KDM2B: variants seen among roughly 807,000 people sequenced by gnomAD.
KDM2B encodes the protein lysine demethylase 2B, also known as lysine-specific demethylase 2B.
Under a neutral mutation model 150.0 loss-of-function variants are expected in KDM2B, and 26 were observed. The observed-to-expected ratio is 0.17, with a 90% confidence interval of 0.13 to 0.24. The LOEUF is 0.24. Among genes scored for constraint, KDM2B ranks in the 10% least tolerant of loss-of-function variants. The pLI is 1.00. For synonymous variants in KDM2B, 734 were observed against 729.5 expected, an observed-to-expected ratio of 1.01 and a Z score of -0.10; for missense variants, 1,265 against 1,816.9, an observed-to-expected ratio of 0.70 and a Z score of 5.52.
intron 14 of KDM2B, 109 bp downstream of exon 14, chr12:121,445,166 T>A (rs1555289864): frequency 3.0e-6 from 4 of 1,312,702 alleles, no homozygotes; most frequent in Admixed American, 3.9e-5. Flanking sequence ...GACTCAGGGG[T>A]CCTCCAGGAA....
the KDM2B span, chr12:121,416,120 C>T: frequency 2.6e-6 from 4 of 1,556,138 alleles, no homozygotes; most frequent in Non-Finnish European, 3.5e-6. Flanking sequence ...GCCCAGATTC[C>T]ACTTAGCTTT....
the KDM2B span, among the ~76,000 whole-genome samples, chr12:121,414,381 C>CCAA: frequency 6.6e-6 from 1 of 152,198 alleles, no homozygotes; most frequent in Non-Finnish European, 1.5e-5. Flanking sequence ...TTGGCCCTCG[C>CCAA]TGAAAATTTA....
intron 13 of KDM2B, among the ~76,000 whole-genome samples, chr12:121,450,116 C>A (rs1366235750): frequency 6.6e-6 from 1 of 152,028 alleles, no homozygotes; most frequent in African/African-American, 2.4e-5. Context: ...GGGTTTGAGA[C>A]CAGCCTAGAC....
At chr12:121,479,323 C>T (rs1486189324) in intron 12 of KDM2B, among the ~76,000 whole-genome samples, 2 of 151,476 alleles carry the variant, frequency 1.3e-5, no homozygotes, top group Non-Finnish European at 2.9e-5. Flanking sequence ...AAAAATTAGC[C>T]AGGCATGGTG....
At chr12:121,509,083 G>A (rs532026474) in intron 11 of KDM2B, among the ~76,000 whole-genome samples, 1 of 152,190 alleles carries the variant, frequency 6.6e-6, no homozygotes, top group East Asian at 1.9e-4. Flanking sequence ...TTTTGAGACA[G>A]AGTCTTGCTC....
Position 121,513,143 on chromosome 12 carries a change from T to C in KDM2B, c.1174+133A>G, listed in dbSNP as rs1306385082. On this transcript the variant is annotated intron_variant, in intron 10 of 22. Coordinates refer to ENST00000377071, the MANE Select transcript of KDM2B (RefSeq NM_032590.5). The surrounding 1 kb of genome is among the most constrained non-coding windows in gnomAD (Gnocchi z 5.0). ...GGCAAGAATGGCTTCCCCTGAGGGG[T>C]TCCTAGGATTCTGCCCAATACACTG... The C allele has an allele frequency of 3.0e-6, 3 of 985,082 alleles. No homozygotes were observed. The Admixed American group carries it at 7.5e-5, about 25-fold the overall frequency. The allele number at this position is 985,082 out of a possible 1,614,324, so 61.0% of individuals were successfully genotyped here.
intron 12 of KDM2B, among the ~76,000 whole-genome samples, chr12:121,464,545 G>A (rs1879584236): frequency 6.6e-6 from 1 of 152,242 alleles, no homozygotes; most frequent in South Asian, 2.1e-4. Context: ...CAGGTCTCAG[G>A]TGGGGATGAG....
intron 9 of KDM2B, chr12:121,516,408 A>T (rs1439593846): frequency 1.1e-5 from 11 of 1,009,298 alleles, no homozygotes; most frequent in Admixed American, 2.7e-5. Flanking sequence ...TTATTTATTT[A>T]TTTATTTTTT....
At chr12:121,440,774 G>A (rs781831501) in intron 21 of KDM2B, 42 bp downstream of exon 21, 30 of 1,557,402 alleles carry the variant, frequency 1.9e-5, no homozygotes, top group African/African-American at 8.2e-5. Flanking sequence ...AGTCTAGCTC[G>A]CTCACCCCAC....
chr12:121,494,964 G>A (rs1424526403), intron 11 of KDM2B, among the ~76,000 whole-genome samples: 1 of 151,160 alleles, frequency 6.6e-6, no homozygotes, highest in African/African-American at 2.4e-5. Context: ...TCTAGCACTT[G>A]TCCAGAGCGT....
At chr12:121,414,698 A>T in the KDM2B span, among the ~76,000 whole-genome samples, 10 of 151,854 alleles carry the variant, frequency 6.6e-5, no homozygotes, top group Non-Finnish European at 1.2e-4. Flanking sequence ...TTCGAGATGG[A>T]CTCTCGCTCT....
At chr12:121,482,607 T>C (rs1215437368) in intron 12 of KDM2B, among the ~76,000 whole-genome samples, 1 of 152,154 alleles carries the variant, frequency 6.6e-6, no homozygotes, top group Non-Finnish European at 1.5e-5. Context: ...GCCTTCTTAG[T>C]ACTCTTCTAA....
intron 12 of KDM2B, among the ~76,000 whole-genome samples, chr12:121,483,343 A>G (rs1882369675): frequency 6.6e-6 from 1 of 151,936 alleles, no homozygotes; most frequent in African/African-American, 2.4e-5. Flanking sequence ...CTCCGTTCAC[A>G]TATGTCCAGT....
rs782093340 is a variant in KDM2B at position 121,533,004 on chromosome 12, C to T, written c.778-45G>A. 1.9e-6 allele frequency: 3 copies of T among 1,609,486 alleles called. No homozygotes were observed. The highest frequency in any genetic ancestry group is 1.1e-5 in the South Asian group (1 of 90,718). On this transcript the variant is annotated intron_variant, in intron 7 of 22. Coordinates refer to ENST00000377071, the MANE Select transcript of KDM2B (RefSeq NM_032590.5). The surrounding 1 kb of genome is among the most constrained non-coding windows in gnomAD (Gnocchi z 4.1). ...AGTCAGCTGGAGACCCAGGCCCAGA[C>T]AAGACCCAGAGAGAGGGCCCCACCT...
intron 1 of KDM2B, chr12:121,579,698 C>T (rs772827349): frequency 4.8e-4 from 667 of 1,377,748 alleles, no homozygotes; most frequent in Non-Finnish European, 6.0e-4. Context: ...CCCCCTGCCT[C>T]CTCCCTCCAC....
intron 12 of KDM2B, among the ~76,000 whole-genome samples, chr12:121,482,609 C>T (rs1355903205): frequency 6.6e-6 from 1 of 152,130 alleles, no homozygotes; most frequent in Non-Finnish European, 1.5e-5. Context: ...CTTCTTAGTA[C>T]TCTTCTAATG....
intron 12 of KDM2B, chr12:121,494,300 C>G: frequency 2.6e-6 from 1 of 382,322 alleles, no homozygotes; most frequent in Non-Finnish European, 4.8e-6. Context: ...GAAGGAGAGA[C>G]AGAAAATCCA....
chr12:121,544,573 G>A (rs1291738967), intron 6 of KDM2B, among the ~76,000 whole-genome samples: 3 of 151,696 alleles, frequency 2.0e-5, no homozygotes, highest in Non-Finnish European at 2.9e-5. Context: ...TCATACCACC[G>A]CACTCCAGCC....
At chr12:121,461,607 AG>A (rs1159756674) in intron 12 of KDM2B, among the ~76,000 whole-genome samples, 1 of 152,096 alleles carries the variant, frequency 6.6e-6, no homozygotes, top group Non-Finnish European at 1.5e-5. Context: ...GAGGACTTTG[AG>A]GTTTCCGACT....
Sources: allele counts gnomAD v4.1 joint callset (sites outside exome capture counted in the v4.1 genomes callset), GRCh38; gene constraint gnomAD v4.1.1; non-coding constraint Gnocchi (gnomAD v3.1); transcripts MANE v1.5; gene names NCBI Gene and HGNC (gene_info 2026-07-23, HGNC 2026-07-21).